Variants in ERC1 observed in about 807,000 individuals in gnomAD.
ERC1 encodes ELKS/RAB6-interacting/CAST family member 1, also known as RAB6 interacting protein 2.
A neutral mutation model predicts 132.0 loss-of-function variants in ERC1; 56 were observed. The ratio of observed to expected loss-of-function variants is 0.42; its 90% CI spans 0.34 to 0.53. The LOEUF (loss-of-function observed/expected upper bound fraction) is 0.53, where lower values mean the gene tolerates loss of function less well. ERC1 is among the 20% of genes least tolerant of loss of function. The pLI, the probability that ERC1 is intolerant of heterozygous loss-of-function variation, is 0.03. For missense variants in ERC1, 1,202 were observed against 1,349.9 expected, an observed-to-expected ratio of 0.89 and a Z score of 1.72; for synonymous variants, 478 against 476.1, an observed-to-expected ratio of 1.00 and a Z score of -0.05.
intron 16 of ERC1, among the ~76,000 whole-genome samples, chr12:1,379,638 A>G (rs1412896216): frequency 1.3e-5 from 2 of 152,190 alleles, no homozygotes; most frequent in Non-Finnish European, 2.9e-5. Context: ...TCACACAGTG[A>G]CTGAGGGTCA....
rs2094334288 is a variant in ERC1, at chr12:1,493,523, A to C, written c.*3293A>C. 1 of 121,046 alleles carries C rather than the reference A, an allele frequency of 8.3e-6. No homozygotes were observed. Among genetic ancestry groups the C allele is most frequent in the Non-Finnish European group, 1.7e-5 (1 of 57,852 alleles). 7.5% of individuals were successfully genotyped at this position (121,046 alleles called of 1,614,324 possible). A position where few individuals can be genotyped will look rare whatever the true frequency, so the allele number is the denominator to read the frequency against. ...CTGCACTCCAGCCTGGGTGACAGAG[A>C]CTCCATTTAAAAAAAAAAAAAAAAA... On this transcript the variant is annotated 3_prime_UTR_variant, in exon 19 of 19. Coordinates refer to ENST00000360905, the MANE Select transcript of ERC1 (RefSeq NM_178040.4).
chr12:1,113,322 A>G (rs557676994), intron 6 of ERC1, among the ~76,000 whole-genome samples: 2 of 152,350 alleles, frequency 1.3e-5, no homozygotes, highest in African/African-American at 4.8e-5. Flanking sequence ...GTGCTGAGTT[A>G]GACATATTAT....
chr12:1,173,000 G>T (rs538921774), intron 8 of ERC1, among the ~76,000 whole-genome samples: 2 of 152,294 alleles, frequency 1.3e-5, no homozygotes, highest in African/African-American at 4.8e-5. Context: ...ATCCATGAAG[G>T]ATGTACTTTT....
chr12:1,284,659 G>A (rs1465427485), intron 14 of ERC1, among the ~76,000 whole-genome samples: 2 of 152,216 alleles, frequency 1.3e-5, no homozygotes, highest in Admixed American at 1.3e-4. Context: ...GTATCTCATT[G>A]TGGGGTTTTT....
chr12:1,370,596 T>G (rs534661352), intron 15 of ERC1, among the ~76,000 whole-genome samples: 1 of 152,368 alleles, frequency 6.6e-6, no homozygotes, highest in Admixed American at 6.5e-5. Flanking sequence ...AGTATGTAAG[T>G]TACAGGATTA....
intron 12 of ERC1, among the ~76,000 whole-genome samples, chr12:1,194,583 C>T (rs966602142): frequency 1.3e-5 from 2 of 152,022 alleles, no homozygotes; most frequent in African/African-American, 4.8e-5. Context: ...TCCCCTGTGC[C>T]GTATATTGTA....
chr12:1,174,889 C>T (rs1230066106), intron 8 of ERC1, among the ~76,000 whole-genome samples: 2 of 152,154 alleles, frequency 1.3e-5, no homozygotes, highest in East Asian at 1.9e-4. Context: ...AACACCAAGG[C>T]ATTGTGTTCT....
chr12:1,294,149 C>G (rs1430913948), intron 15 of ERC1, among the ~76,000 whole-genome samples: 3 of 152,056 alleles, frequency 2.0e-5, no homozygotes, highest in Non-Finnish European at 4.4e-5. Flanking sequence ...TTTTTTCTGC[C>G]CTGATATTCA....
At chr12:1,387,352 C>A (rs1190867437) in intron 16 of ERC1, among the ~76,000 whole-genome samples, 1 of 152,112 alleles carries the variant, frequency 6.6e-6, no homozygotes, top group Non-Finnish European at 1.5e-5. Context: ...TTTGGTGGGA[C>A]TAGAAGGCAG....
chr12:1,183,217 T>G, intron 10 of ERC1, 64 bp from the exon 11 acceptor site: 2 of 1,135,090 alleles, frequency 1.8e-6, no homozygotes, highest in Non-Finnish European at 2.4e-6. Context: ...CATGATAAAT[T>G]TAAAAATTTA....
At chr12:1,322,126 A>G (rs928077625) in intron 15 of ERC1, among the ~76,000 whole-genome samples, 2 of 142,536 alleles carry the variant, frequency 1.4e-5, no homozygotes, top group African/African-American at 5.3e-5. Context: ...GTGCTCACGC[A>G]GGATTATATA....
At position 1,094,944 on chromosome 12, in the gene ERC1, G is replaced by A. The variant is rs571659135; in HGVS notation, c.1087-9806G>A. ...TATGATAAATTCAGAAATTGAATCT[G>A]TGAAGGGACTTCCCGAACAATGTGG... is the stretch of plus-strand genomic sequence containing the variant. On this transcript the variant is annotated intron_variant, in intron 3 of 18. Transcript: ENST00000360905. Among the ~76,000 whole-genome samples, 233 of 152,178 alleles carry A rather than the reference G, an allele frequency of 1.5e-3. 1 individual carries two copies. Among genetic ancestry groups the A allele is most frequent in the Non-Finnish European group, 2.2e-3 (151 of 68,002 alleles).
intron 18 of ERC1, among the ~76,000 whole-genome samples, chr12:1,465,716 G>A (rs2093729378): frequency 6.8e-6 from 1 of 147,230 alleles, no homozygotes; most frequent in Admixed American, 6.6e-5. Context: ...CTAGAGAGGT[G>A]GGGGCAGTGT....
At chr12:1,139,404 T>C (rs1949658966) in intron 7 of ERC1, among the ~76,000 whole-genome samples, 1 of 152,226 alleles carries the variant, frequency 6.6e-6, no homozygotes, top group South Asian at 2.1e-4. Context: ...AGAGTAATGA[T>C]GCTGGCATAT....
At chr12:1,483,626 T>G (rs2094133716) in intron 18 of ERC1, among the ~76,000 whole-genome samples, 1 of 143,616 alleles carries the variant, frequency 7.0e-6, no homozygotes, top group Non-Finnish European at 1.5e-5. Flanking sequence ...CAGAAGTATG[T>G]AAAGTAAAAG....
intron 18 of ERC1, among the ~76,000 whole-genome samples, chr12:1,467,232 C>T (rs570747453): frequency 9.8e-5 from 15 of 152,296 alleles, no homozygotes; most frequent in African/African-American, 3.6e-4. Flanking sequence ...GATAAGGCTC[C>T]GACCTGCGTG....
intron 15 of ERC1, among the ~76,000 whole-genome samples, chr12:1,351,338 G>A (rs1344427321): frequency 6.6e-6 from 1 of 152,194 alleles, no homozygotes; most frequent in Non-Finnish European, 1.5e-5. Flanking sequence ...TAAGGAGTGC[G>A]ATGGCCAGAT....
Position 1,242,229 on chromosome 12 carries a change from T to C in ERC1, c.2487+5325T>C, listed in dbSNP as rs188598291. ...TCTCAAAACTTTTTTTCTAGGTAAA[T>C]TTATCAGTTTTTTCAACAACCTTTG... is the stretch of plus-strand genomic sequence containing the variant. On this transcript the variant is annotated intron_variant, in intron 13 of 18. Transcript: ENST00000360905. Among the ~76,000 whole-genome samples, 249 of 152,286 alleles carry C rather than the reference T, an allele frequency of 1.6e-3. 1 individual carries two copies. The highest frequency in any genetic ancestry group is 6.8e-3 in the Middle Eastern group (2 of 294).
In ERC1 at chr12:1,284,206, G is replaced by A. The variant is rs372931804; in HGVS notation, c.2620-5646G>A. Among the ~76,000 whole-genome samples, 7 of 151,200 alleles carry A rather than the reference G, an allele frequency of 4.6e-5. No homozygotes were observed. In the East Asian group the frequency reaches 1.2e-3, roughly 25 times the overall value. On this transcript the variant is annotated intron_variant, in intron 14 of 18. Transcript: ENST00000360905. The stretch of plus-strand genomic sequence containing the variant: ...GTTTCACTTAACATAATGTTCTCCA[G>A]TTCCATTCATGTTGCTGCAAATGAC...
Sources: gnomAD v4.1 joint callset for allele counts (sites outside exome capture counted in the v4.1 genomes callset) on GRCh38, gnomAD v4.1.1 for gene constraint, MANE v1.5 for transcripts, NCBI Gene and HGNC (gene_info 2026-07-23, HGNC 2026-07-21) for gene names.